Variants in ST3GAL1 observed in about 807,000 individuals in gnomAD.
The protein encoded by ST3GAL1 is CMP-N-acetylneuraminate-beta-galactosamide-alpha-2,3-sialyltransferase 1.
A neutral mutation model predicts 34.1 loss-of-function variants in ST3GAL1; 16 were observed. The ratio of observed to expected loss-of-function variants is 0.47; its 90% CI spans 0.32 to 0.71. ST3GAL1 has a LOEUF of 0.71. ST3GAL1 is among the 30% of genes least tolerant of loss of function. ST3GAL1 has a pLI of 0.04. For missense variants in ST3GAL1, 353 were observed against 447.4 expected, an observed-to-expected ratio of 0.79 and a Z score of 1.90; for synonymous variants, 191 against 184.7, an observed-to-expected ratio of 1.03 and a Z score of -0.28.
At chr8:133,497,245 G>A (rs1816979363) in intron 3 of ST3GAL1, among the ~76,000 whole-genome samples, 1 of 152,166 alleles carries the variant, frequency 6.6e-6, no homozygotes, top group Admixed American at 6.5e-5. Context: ...TGCCCTGCCT[G>A]GAAAGACGGG....
At chr8:133,549,204 C>A (rs943404294) in intron 1 of ST3GAL1, among the ~76,000 whole-genome samples, 2 of 151,582 alleles carry the variant, frequency 1.3e-5, no homozygotes, top group African/African-American at 4.9e-5. Context: ...AGATTGAGAC[C>A]AGCCTGACCA....
At chr8:133,524,667 GC>G (rs1817910264) in intron 2 of ST3GAL1, among the ~76,000 whole-genome samples, 3 of 152,382 alleles carry the variant, frequency 2.0e-5, no homozygotes, top group Middle Eastern at 6.8e-3. Flanking sequence ...TACGCTGGTT[GC>G]TGCGACAGGA....
chr8:133,462,206 G>A (rs936972876), intron 8 of ST3GAL1, among the ~76,000 whole-genome samples: 3 of 152,126 alleles, frequency 2.0e-5, no homozygotes, highest in Non-Finnish European at 4.4e-5. Flanking sequence ...GTGCTATGGA[G>A]AGCAATGATG....
intron 3 of ST3GAL1, among the ~76,000 whole-genome samples, chr8:133,497,549 C>T (rs1816999965): frequency 6.9e-6 from 1 of 144,950 alleles, no homozygotes; most frequent in South Asian, 2.2e-4. Context: ...CGGCTAACTG[C>T]AACCTCCGTG....
chr8:133,540,547 C>T (rs1358406244), intron 2 of ST3GAL1, among the ~76,000 whole-genome samples: 4 of 152,006 alleles, frequency 2.6e-5, no homozygotes, highest in East Asian at 1.9e-4. Context: ...CTTTGATCAA[C>T]AGCCCCTGCT....
At chr8:133,471,404 T>C (rs2130935020) in intron 5 of ST3GAL1, among the ~76,000 whole-genome samples, 1 of 152,310 alleles carries the variant, frequency 6.6e-6, no homozygotes, top group Middle Eastern at 3.4e-3. Flanking sequence ...AGGACTCAGA[T>C]GGCTCACCCT....
intron 4 of ST3GAL1, 42 bp from the exon 5 acceptor site, chr8:133,476,116 G>A (rs1816167922): frequency 7.1e-7 from 1 of 1,406,466 alleles, no homozygotes; most frequent in Non-Finnish European, 9.5e-7. Context: ...CAGAGGTGGA[G>A]GCTCAATCAA....
chr8:133,557,514 A>T (rs372609299), intron 1 of ST3GAL1, among the ~76,000 whole-genome samples: 36 of 152,198 alleles, frequency 2.4e-4, no homozygotes, highest in Admixed American at 1.0e-3. Context: ...TGATGGGTTG[A>T]GCTGTCGCAC....
At chr8:133,545,323 A>G (rs1166321160) in intron 2 of ST3GAL1, among the ~76,000 whole-genome samples, 1 of 152,220 alleles carries the variant, frequency 6.6e-6, no homozygotes, top group Non-Finnish European at 1.5e-5. Context: ...TGAACAAATG[A>G]GCATGGTGGG....
At chr8:133,538,233 G>A (rs1818362927) in intron 2 of ST3GAL1, among the ~76,000 whole-genome samples, 1 of 152,232 alleles carries the variant, frequency 6.6e-6, no homozygotes, top group Admixed American at 6.5e-5. Context: ...CCTACTGAAT[G>A]GCCGGGCATG....
intron 3 of ST3GAL1, among the ~76,000 whole-genome samples, chr8:133,490,668 A>G (rs1251360821): frequency 1.3e-5 from 2 of 152,204 alleles, no homozygotes; most frequent in African/African-American, 2.4e-5. Context: ...AGACGCTGGT[A>G]TGTTACAGAA....
At chr8:133,514,261 T>C (rs1204276063) in intron 2 of ST3GAL1, among the ~76,000 whole-genome samples, 1 of 152,226 alleles carries the variant, frequency 6.6e-6, no homozygotes, top group Admixed American at 6.5e-5. Context: ...CCCTAGTTCA[T>C]TCTTCATAGG....
intron 1 of ST3GAL1, among the ~76,000 whole-genome samples, chr8:133,561,940 C>G (rs772787611): frequency 1.3e-5 from 2 of 151,994 alleles, no homozygotes; most frequent in Admixed American, 6.6e-5. Context: ...TATCCCTTCA[C>G]CAAGAGTGAT....
In ST3GAL1 at chr8:133,464,842, C is replaced by T. The variant is rs1381874631; in HGVS notation, c.619G>A (p.Val207Met). ...TCCAAGTCGATGGTCTTGAAGGGCA[C>T]CAGGATCATGCTGACATTATCTCCC... The part of the protein sequence containing the change: ...ELGDNVSMIL[V>M]PFKTIDLEWV... Residue 207 changes from valine to methionine, a missense_variant, in exon 7 of 10, where the codon GTG (valine) becomes ATG (methionine). Physicochemically the swap from Val to Met is conservative, Grantham distance 21. Transcript: ENST00000522652. The T allele has an allele frequency of 1.9e-6, 3 of 1,614,044 alleles. No homozygotes were observed. Among genetic ancestry groups the T allele is most frequent in the Non-Finnish European group, 2.5e-6 (3 of 1,179,954 alleles).
chr8:133,541,106 T>TAGAGAGAGAG (rs1563734604), intron 2 of ST3GAL1, among the ~76,000 whole-genome samples: 2 of 50,334 alleles, frequency 4.0e-5, no homozygotes. Flanking sequence ...CATATATATA[T>TAGAGAGAGAG]ATATATATAT....
intron 2 of ST3GAL1, among the ~76,000 whole-genome samples, chr8:133,518,628 GC>G (rs1351413389): frequency 6.6e-6 from 1 of 152,144 alleles, no homozygotes; most frequent in Non-Finnish European, 1.5e-5. Flanking sequence ...AGCAAACACA[GC>G]CCCACCCAGG....
At chr8:133,533,424 C>T (rs567955141) in intron 2 of ST3GAL1, among the ~76,000 whole-genome samples, 21 of 152,284 alleles carry the variant, frequency 1.4e-4, no homozygotes, top group East Asian at 7.7e-4. Context: ...GAGCTCACCC[C>T]GCTCCCCACC....
intron 2 of ST3GAL1, among the ~76,000 whole-genome samples, chr8:133,525,118 G>C (rs1817929038): frequency 6.6e-6 from 1 of 152,238 alleles, no homozygotes; most frequent in African/African-American, 2.4e-5. Context: ...ACAACTGGAG[G>C]GTGAGCAAGG....
intron 6 of ST3GAL1, 59 bp from the exon 7 acceptor site, chr8:133,465,016 C>T: frequency 6.5e-7 from 1 of 1,538,634 alleles, no homozygotes; most frequent in Admixed American, 1.9e-5. Context: ...CTCAGACAGC[C>T]TGAGAGCTCC....
Sources: allele counts gnomAD v4.1 joint callset (sites outside exome capture counted in the v4.1 genomes callset), GRCh38; gene constraint gnomAD v4.1.1; transcripts MANE v1.5; gene names NCBI Gene and HGNC (gene_info 2026-07-23, HGNC 2026-07-21).